TBC1D30: variants seen among roughly 807,000 people sequenced by gnomAD.
The protein encoded by TBC1D30 is TBC1 domain family, member 30.
A neutral mutation model predicts 63.2 loss-of-function variants in TBC1D30; 31 were observed. The ratio of observed to expected loss-of-function variants is 0.49; its 90% confidence interval spans 0.37 to 0.66. The LOEUF (loss-of-function observed/expected upper bound fraction) is 0.66. Ranked by LOEUF, TBC1D30 falls within the 30% of genes least tolerant of loss-of-function variation. The pLI, the probability that TBC1D30 is intolerant of heterozygous loss-of-function variation, is 0.00. For synonymous variants in TBC1D30, 307 were observed against 361.5 expected (o/e 0.85, Z 1.71); for missense variants, 810 against 953.6 (o/e 0.85, Z 1.98).
chr12:64,792,673 G>A (rs1000321821), intron 2 of TBC1D30, among the ~76,000 whole-genome samples: 1 of 152,088 alleles, frequency 6.6e-6, no homozygotes, highest in Admixed American at 6.6e-5. Context: ...GAGTTCAAGC[G>A]ATTTTCTTGC....
intron 11 of TBC1D30, among the ~76,000 whole-genome samples, chr12:64,873,505 G>T (rs1878814310): frequency 6.6e-6 from 1 of 152,032 alleles, no homozygotes. Flanking sequence ...GATCTAAGCG[G>T]TCAGCCATGC....
chr12:64,814,050 G>A lies in TBC1D30; in HGVS notation c.644-13785G>A, dbSNP rs1482435163. 3.3e-5 allele frequency among the ~76,000 whole-genome samples: 5 copies of A among 152,110 alleles called. No homozygotes were observed. The East Asian group carries it at 9.6e-4, about 29-fold the overall frequency. On this transcript the variant is annotated intron_variant, in intron 2 of 12. Transcript: ENST00000542120. ...GTACCATTTGGAATACAGGTGTTAA[G>A]GAAGGTACTTTTTTTTTGAGATAGG...
At position 64,878,680 on chromosome 12, in the gene TBC1D30, G is replaced by A. The variant is rs1170276003; in HGVS notation, c.*2892G>A. Reference sequence around the variant, plus strand: ...GCAAGCATGGAACACTGTTGTGACAGTCCCTTCTCCCTTCTTCCTTCTTCC... The same window carrying A: ...GCAAGCATGGAACACTGTTGTGACAATCCCTTCTCCCTTCTTCCTTCTTCC... On this transcript the variant is annotated 3_prime_UTR_variant, in exon 12 of 12. Coordinates refer to ENST00000539867, the MANE Select transcript of TBC1D30 (RefSeq NM_015279.2). 2.6e-6 allele frequency: 1 copy of A among 391,994 alleles called. No individual in the cohort carries two copies. Among genetic ancestry groups the A allele is most frequent in the African/African-American group, 2.1e-5 (1 of 48,466 alleles). 24.3% of individuals were successfully genotyped at this position (391,994 alleles called of 1,614,324 possible). A position where few individuals can be genotyped will look rare whatever the true frequency, so the allele number is the denominator to read the frequency against.
At chr12:64,859,138 G>A (rs1877569220) in intron 8 of TBC1D30, among the ~76,000 whole-genome samples, 1 of 151,864 alleles carries the variant, frequency 6.6e-6, no homozygotes, top group Non-Finnish European at 1.5e-5. Flanking sequence ...TTGTGTGTGC[G>A]TTTGTGTGTT....
At chr12:64,765,832 C>CAAAAA (rs142093900) in intron 1 of TBC1D30, among the ~76,000 whole-genome samples, 10 of 116,976 alleles carry the variant, frequency 8.5e-5, no homozygotes, top group African/African-American at 2.9e-4. Context: ...CCCACCTCTA[C>CAAAAA]AAAAAAAAAA....
intron 1 of TBC1D30, among the ~76,000 whole-genome samples, chr12:64,767,457 C>T (rs2097425294): frequency 6.6e-6 from 1 of 152,004 alleles, no homozygotes; most frequent in South Asian, 2.1e-4. Context: ...ATCAATATGA[C>T]TACAGGTAAA....
At chr12:64,780,476 C>A (rs1056051151), upstream of TBC1D30, among the ~76,000 whole-genome samples, 1 of 152,266 alleles carries the variant, frequency 6.6e-6, no homozygotes. Flanking sequence ...CCTCCCCCTC[C>A]GTGCTGCTGG....
chr12:64,839,776 G>A (rs1452030949), intron 7 of TBC1D30, among the ~76,000 whole-genome samples: 2 of 152,056 alleles, frequency 1.3e-5, no homozygotes, highest in Non-Finnish European at 2.9e-5. Context: ...GGAGGCTGAG[G>A]CAGTGGGTCA....
At chr12:64,844,473 C>T (rs1876182387) in intron 8 of TBC1D30, among the ~76,000 whole-genome samples, 1 of 152,206 alleles carries the variant, frequency 6.6e-6, no homozygotes, top group Non-Finnish European at 1.5e-5. Context: ...ATAATCATAT[C>T]AGGGTAAATG....
intron 1 of TBC1D30, among the ~76,000 whole-genome samples, chr12:64,783,575 A>T (rs1214588510): frequency 6.6e-6 from 1 of 152,056 alleles, no homozygotes; most frequent in African/African-American, 2.4e-5. Flanking sequence ...GTCATGGAGC[A>T]TTCAAAGATG....
intron 8 of TBC1D30, among the ~76,000 whole-genome samples, chr12:64,862,548 A>G (rs1480924712): frequency 6.6e-6 from 1 of 152,054 alleles, no homozygotes; most frequent in Non-Finnish European, 1.5e-5. Flanking sequence ...TAGGGGGAGG[A>G]TGTACTTCCC....
At chr12:64,803,216 GT>G (rs1030734225) in intron 2 of TBC1D30, among the ~76,000 whole-genome samples, 2 of 152,180 alleles carry the variant, frequency 1.3e-5, no homozygotes, top group Non-Finnish European at 2.9e-5. Flanking sequence ...GCATTTCCTT[GT>G]GGTTTTGACT....
intron 9 of TBC1D30, among the ~76,000 whole-genome samples, chr12:64,865,671 C>T (rs1433953537): frequency 6.6e-6 from 1 of 151,978 alleles, no homozygotes; most frequent in Admixed American, 6.6e-5. Flanking sequence ...GCCTGGGCAA[C>T]GTAGCAAGAC....
intron 11 of TBC1D30, among the ~76,000 whole-genome samples, chr12:64,871,031 G>A (rs1455066533): frequency 6.6e-6 from 1 of 152,156 alleles, no homozygotes; most frequent in Non-Finnish European, 1.5e-5. Context: ...CAAGGACCAG[G>A]CAGTTGATGG....
intron 8 of TBC1D30, among the ~76,000 whole-genome samples, chr12:64,854,446 A>G (rs907010609): frequency 1.3e-5 from 2 of 151,542 alleles, no homozygotes; most frequent in African/African-American, 4.8e-5. Context: ...TGTCTTAAAA[A>G]GTTGTTCTAG....
chr12:64,780,232 G>A (rs1339246647), upstream of TBC1D30, among the ~76,000 whole-genome samples: 1 of 152,198 alleles, frequency 6.6e-6, no homozygotes, highest in African/African-American at 2.4e-5. Flanking sequence ...TATTGTCAGA[G>A]ACTAAACTAA....
chr12:64,823,358 G>C (rs1874009239), upstream of TBC1D30, among the ~76,000 whole-genome samples: 1 of 152,216 alleles, frequency 6.6e-6, no homozygotes, highest in African/African-American at 2.4e-5. Context: ...CAACTTAAGA[G>C]AGAATTATTT....
At position 64,767,795 on chromosome 12, in the gene TBC1D30, G is replaced by C. The variant is rs113241300; in HGVS notation, c.-376+8146G>C. Among the ~76,000 whole-genome samples, 427 of 108,546 alleles carry C rather than the reference G, an allele frequency of 3.9e-3. 14 individuals carry two copies. The highest frequency in any genetic ancestry group is 0.013 in the African/African-American group (374 of 28,526). The allele number at this position is 108,546 out of a possible 152,430, so 71.2% of individuals were successfully genotyped here. A position where few individuals can be genotyped will look rare whatever the true frequency, so the allele number is the denominator to read the frequency against. ...AAGATACACATGCTCCGGCGGGGGG[G>C]GGGGGAGGGGGGGGAGATAGGCTCT... On this transcript the variant is annotated intron_variant, in intron 1 of 13. Transcript: ENST00000674237.
chr12:64,839,587 A>G (rs1875661701), intron 7 of TBC1D30, among the ~76,000 whole-genome samples: 1 of 152,234 alleles, frequency 6.6e-6, no homozygotes, highest in African/African-American at 2.4e-5. Context: ...CACAGACAAC[A>G]TGTCACAAAA....
Sources: gnomAD v4.1 joint callset for allele counts (sites outside exome capture counted in the v4.1 genomes callset) on GRCh38, gnomAD v4.1.1 for gene constraint, MANE v1.5 for transcripts, NCBI Gene and HGNC (gene_info 2026-07-23, HGNC 2026-07-21) for gene names.